The following FAM171A1 variants were observed in gnomAD, a reference collection of about 807,000 sequenced individuals.
FAM171A1 encodes protein FAM171A1.
FAM171A1 carries 23 observed loss-of-function variants against 74.9 expected under a neutral mutation model. The observed-to-expected ratio is 0.31, with a 90% CI of 0.22 to 0.44. The LOEUF (loss-of-function observed/expected upper bound fraction) is 0.44, where lower values mean the gene tolerates loss of function less well. Among genes scored for constraint, FAM171A1 ranks in the 20% least tolerant of loss-of-function variants. The pLI is 1.00. For missense variants in FAM171A1, 1,162 were observed against 1,159.2 expected, an observed-to-expected ratio of 1.00 and a Z score of -0.03; for synonymous variants, 527 against 505.7, an observed-to-expected ratio of 1.04 and a Z score of -0.57.
chr10:15,337,466 G>C (rs75590478), intron 1 of FAM171A1, among the ~76,000 whole-genome samples: 3 of 152,070 alleles, frequency 2.0e-5, no homozygotes, highest in Admixed American at 6.6e-5. Flanking sequence ...GGCCGGGTGC[G>C]GTGGCTCCCG....
At chr10:15,278,922 C>T (rs575272048) in intron 2 of FAM171A1, among the ~76,000 whole-genome samples, 77 of 152,240 alleles carry the variant, frequency 5.1e-4, no homozygotes, top group East Asian at 1.7e-3. Flanking sequence ...CACCTCCTGG[C>T]GAGGAGGAAT....
At chr10:15,317,144 A>C (rs998657972) in intron 1 of FAM171A1, among the ~76,000 whole-genome samples, 1 of 152,036 alleles carries the variant, frequency 6.6e-6, no homozygotes, top group African/African-American at 2.4e-5. Flanking sequence ...GGGCCACCAG[A>C]CAAAGAAAAG....
intron 2 of FAM171A1, among the ~76,000 whole-genome samples, chr10:15,276,629 T>C (rs1318892410): frequency 2.0e-5 from 3 of 152,210 alleles, no homozygotes; most frequent in African/African-American, 7.2e-5. Context: ...GTGTACCTCA[T>C]GGTAAAAGAA....
At chr10:15,309,585 A>G (rs1205534134) in intron 1 of FAM171A1, among the ~76,000 whole-genome samples, 1 of 152,266 alleles carries the variant, frequency 6.6e-6, no homozygotes, top group Non-Finnish European at 1.5e-5. Flanking sequence ...TCATGATTTA[A>G]AAGCTATGTA....
At chr10:15,371,464 C>A (rs1836148325), upstream of FAM171A1, among the ~76,000 whole-genome samples, 1 of 151,572 alleles carries the variant, frequency 6.6e-6, no homozygotes, top group South Asian at 2.1e-4. Context: ...CGCAGCCCCG[C>A]AGAAGAGCCA....
intron 1 of FAM171A1, among the ~76,000 whole-genome samples, chr10:15,361,453 T>G (rs916093096): frequency 7.2e-5 from 11 of 152,070 alleles, no homozygotes; most frequent in Non-Finnish European, 1.5e-4. Flanking sequence ...GAGGCTGAGG[T>G]GGGTGGATCA....
intron 4 of FAM171A1, among the ~76,000 whole-genome samples, chr10:15,249,208 T>G (rs1455264171): frequency 6.6e-6 from 1 of 151,008 alleles, no homozygotes; most frequent in Non-Finnish European, 1.5e-5. Flanking sequence ...GCGATCCTCC[T>G]GCCTCAGCCT....
At chr10:15,302,616 G>A (rs1052290749) in intron 1 of FAM171A1, among the ~76,000 whole-genome samples, 3 of 151,320 alleles carry the variant, frequency 2.0e-5, no homozygotes, top group Non-Finnish European at 4.4e-5. Flanking sequence ...AAGCATTAGT[G>A]AGTGTTTTGT....
intron 5 of FAM171A1, among the ~76,000 whole-genome samples, chr10:15,222,236 T>C (rs1043442845): frequency 1.3e-5 from 2 of 152,204 alleles, no homozygotes; most frequent in Non-Finnish European, 2.9e-5. Flanking sequence ...AAGGCCTAAA[T>C]AGACCAGCTG....
chr10:15,359,926 C>CTGTTTGTTTGTT (rs111447117), intron 1 of FAM171A1, among the ~76,000 whole-genome samples: 9 of 151,886 alleles, frequency 5.9e-5, no homozygotes, highest in African/African-American at 1.7e-4. Flanking sequence ...CATGGCCCAG[C>CTGTTTGTTTGTT]TGTTTGTTTG....
chr10:15,370,548 G>A (rs1836128096), intron 1 of FAM171A1, among the ~76,000 whole-genome samples: 1 of 152,026 alleles, frequency 6.6e-6, no homozygotes, highest in African/African-American at 2.4e-5. Flanking sequence ...CCCGGCGTGG[G>A]GAGCCGGGAG....
chr10:15,293,092 A>C (rs1432706866), intron 1 of FAM171A1, among the ~76,000 whole-genome samples: 2 of 152,190 alleles, frequency 1.3e-5, no homozygotes, highest in African/African-American at 2.4e-5. Context: ...CCAGATGGAA[A>C]CTTTGAGACA....
intron 1 of FAM171A1, among the ~76,000 whole-genome samples, chr10:15,356,506 G>A (rs1176935735): frequency 6.6e-6 from 1 of 152,116 alleles, no homozygotes; most frequent in East Asian, 1.9e-4. Flanking sequence ...TGTCGAAACT[G>A]TTTACAGCAA....
chr10:15,248,148 C>T (rs77067125), intron 5 of FAM171A1, among the ~76,000 whole-genome samples: 4 of 152,236 alleles, frequency 2.6e-5, no homozygotes, highest in Non-Finnish European at 5.9e-5. Flanking sequence ...TACCTACGTG[C>T]ACTGTGAAAG....
intron 1 of FAM171A1, among the ~76,000 whole-genome samples, chr10:15,289,229 A>G (rs963165648): frequency 2.6e-5 from 4 of 152,116 alleles, no homozygotes; most frequent in African/African-American, 7.2e-5. Context: ...CTAAATGACA[A>G]CCAGGGCAGC....
At chr10:15,359,778 T>C (rs1422461394) in intron 1 of FAM171A1, among the ~76,000 whole-genome samples, 1 of 152,158 alleles carries the variant, frequency 6.6e-6, no homozygotes, top group African/African-American at 2.4e-5. Context: ...GATGCACTCT[T>C]GCTGACTTGG....
At chr10:15,278,019 G>C (rs906475348) in intron 2 of FAM171A1, among the ~76,000 whole-genome samples, 2 of 152,128 alleles carry the variant, frequency 1.3e-5, no homozygotes, top group Non-Finnish European at 2.9e-5. Flanking sequence ...GCCTCCCAAA[G>C]TGCTGGGATT....
intron 2 of FAM171A1, among the ~76,000 whole-genome samples, chr10:15,278,046 G>A (rs886764822): frequency 6.6e-5 from 10 of 152,112 alleles, no homozygotes; most frequent in Non-Finnish European, 8.8e-5. Context: ...ATGAGCCACC[G>A]TGCCCGGGTA....
intron 5 of FAM171A1, among the ~76,000 whole-genome samples, chr10:15,222,367 C>G (rs1211757749): frequency 1.3e-5 from 2 of 152,194 alleles, no homozygotes; most frequent in Non-Finnish European, 1.5e-5. Flanking sequence ...CTCCTACACA[C>G]CTGGGCCACA....
Sources: allele counts gnomAD v4.1 joint callset (sites outside exome capture counted in the v4.1 genomes callset), GRCh38; gene constraint gnomAD v4.1.1; transcripts MANE v1.5; gene names NCBI Gene and HGNC (gene_info 2026-07-23, HGNC 2026-07-21).